FER1L5: variants seen among roughly 807,000 people sequenced by gnomAD.
The protein encoded by FER1L5 is fer-1 like family member 5, also known as fer-1-like protein 5.
Under a neutral mutation model 279.9 loss-of-function variants are expected in FER1L5, and 187 were observed. The observed-to-expected ratio is 0.67, with a 90% confidence interval of 0.59 to 0.75. The LOEUF (loss-of-function observed/expected upper bound fraction) is 0.75, where lower values mean the gene tolerates loss of function less well. FER1L5 is among the 30% of genes least tolerant of loss of function. FER1L5 has a pLI of 0.00. For missense variants in FER1L5, 2,091 were observed against 2,594.4 expected (o/e 0.81, Z 4.21); for synonymous variants, 921 against 989.7 (o/e 0.93, Z 1.30).
In FER1L5 at chr2:96,702,373, GAGA is replaced by G. The variant is rs2077616057; in HGVS notation, c.5231_5233del (p.Lys1744del). On this transcript the variant is annotated inframe_deletion, in exon 47 of 53. Transcript: ENST00000624922. This position sits in a 1 kb window ranked among gnomAD's most constrained non-coding sequence, Gnocchi z 4.0. ...CCTGGTGGATGACAATTTAAGTAGAGAGAAGACGAGCGACATCTACATCAAAGG... is the reference window on the plus strand; with the variant it reads ...CCTGGTGGATGACAATTTAAGTAGAGAGACGAGCGACATCTACATCAAAGG... 2 of 1,612,940 alleles carry G rather than the reference GAGA, an allele frequency of 1.2e-6. No homozygotes were observed. The highest frequency in any genetic ancestry group is 1.7e-6 in the Non-Finnish European group (2 of 1,179,546).
intron 10 of FER1L5, 101 bp from the exon 11 acceptor site, chr2:96,661,224 G>T: frequency 1.3e-6 from 1 of 745,568 alleles, no homozygotes; most frequent in South Asian, 2.1e-5. Flanking sequence ...GGATGCCTGA[G>T]ACCTATTTCC....
rs1398360116 is a variant in FER1L5, at chr2:96,687,947, G to A, written c.2361G>A (p.Met787Ile). 5 of 1,551,012 alleles carry A rather than the reference G, an allele frequency of 3.2e-6. No individual in the cohort carries two copies. Among genetic ancestry groups the A allele is most frequent in the South Asian group, 1.2e-5 (1 of 84,056 alleles). ...GTGACACAGCGGTGTACGCCGAGAT[G>A]GTGAGTGGTGAGCGGCAGCCCAAGG... is the stretch of plus-strand genomic sequence containing the variant. ...RQGDTAVYAE[M>I]YENQAKYKDQ... The change falls in exon 24 of 53, where the codon ATG becomes ATA. Residue 787 changes from methionine (M) to isoleucine (I), a missense_variant and splice_region_variant. Coordinates refer to ENST00000624922, the MANE Select transcript of FER1L5 (RefSeq NM_001293083.2).
chr2:96,694,294 G>T lies in FER1L5; in HGVS notation c.3637-66G>T. ...GCTCGGTGAGGCCTCTGAGGGACCT[G>T]CTTGAGGTGAGGGTGAGGGCAGCAG... is the stretch of plus-strand genomic sequence containing the variant. On this transcript the variant is annotated intron_variant, in intron 33 of 52. Coordinates refer to ENST00000624922, the MANE Select transcript of FER1L5 (RefSeq NM_001293083.2). This position sits in a 1 kb window ranked among gnomAD's most constrained non-coding sequence, Gnocchi z 4.6. 1 of 1,443,664 alleles carries T rather than the reference G, an allele frequency of 6.9e-7. No individual in the cohort carries two copies. Among genetic ancestry groups the T allele is most frequent in the Non-Finnish European group, 9.3e-7 (1 of 1,078,478 alleles). The allele number at this position is 1,443,664 out of a possible 1,614,324, so 89.4% of individuals were successfully genotyped here. A position where few individuals can be genotyped will look rare whatever the true frequency, so the allele number is the denominator to read the frequency against.
intron 44 of FER1L5, 108 bp downstream of exon 44, chr2:96,700,188 A>G: frequency 6.4e-7 from 1 of 1,554,500 alleles, no homozygotes; most frequent in South Asian, 1.2e-5. Context: ...GAGGACAAGG[A>G]AAGAGCTCCC....
intron 31 of FER1L5, among the ~76,000 whole-genome samples, chr2:96,692,481 G>C (rs1191868858): frequency 6.6e-6 from 1 of 152,228 alleles, no homozygotes; most frequent in African/African-American, 2.4e-5. Context: ...CTCTTGAGGC[G>C]TGACCCCAGT....
At chr2:96,678,030 T>G (rs1187159665) in intron 19 of FER1L5, among the ~76,000 whole-genome samples, 1 of 152,180 alleles carries the variant, frequency 6.6e-6, no homozygotes, top group African/African-American at 2.4e-5. Context: ...TCTGTCTTTA[T>G]TTAGTATAGT....
chr2:96,689,389 G>A lies in FER1L5; in HGVS notation c.2525+13G>A. The A allele has an allele frequency of 6.5e-7, 1 of 1,546,850 alleles. No homozygotes were observed. The highest frequency in any genetic ancestry group is 8.7e-7 in the Non-Finnish European group (1 of 1,145,846). ...AACCTCAGAGAAGGTAAGGCCAGAG[G>A]GGGCAGGCCCCACCAGAGGGGACAC... On this transcript the variant is annotated intron_variant, in intron 25 of 52. Coordinates refer to ENST00000624922, the MANE Select transcript of FER1L5 (RefSeq NM_001293083.2). This position sits in a 1 kb window ranked among gnomAD's most constrained non-coding sequence, Gnocchi z 4.6.
chr2:96,693,795 G>A (rs973448263), intron 32 of FER1L5, 108 bp downstream of exon 32: 14 of 1,477,898 alleles, frequency 9.5e-6, no homozygotes, highest in Admixed American at 6.8e-5. Context: ...GAGGCCTGAC[G>A]TGCAGACAGC....
chr2:96,651,272 TTTCTTTC>T (rs907125129), intron 6 of FER1L5, among the ~76,000 whole-genome samples: 2 of 150,828 alleles, frequency 1.3e-5, no homozygotes, highest in African/African-American at 4.9e-5. Flanking sequence ...TCTTTCTTTC[TTTCTTTC>T]TTTCTTTCTT....
At chr2:96,667,956 G>A in intron 14 of FER1L5, among the ~76,000 whole-genome samples, 1 of 151,998 alleles carries the variant, frequency 6.6e-6, no homozygotes, top group Non-Finnish European at 1.5e-5. Flanking sequence ...AACCTCACGG[G>A]CTCAAGCAAT....
chr2:96,642,987 A>G lies in FER1L5; in HGVS notation c.85+66A>G. ...CAGAGGCAACATGGATTCAGTGAAAAAAGAGGTGTATGGCACCCCACTACA... is the reference window on the plus strand; with the variant it reads ...CAGAGGCAACATGGATTCAGTGAAAGAAGAGGTGTATGGCACCCCACTACA... On this transcript the variant is annotated intron_variant, in intron 1 of 52. Coordinates refer to ENST00000624922, the MANE Select transcript of FER1L5 (RefSeq NM_001293083.2). 15 of 1,411,834 alleles carry G rather than the reference A, an allele frequency of 1.1e-5. No individual in the cohort carries two copies. The South Asian group carries it at 1.9e-4, about 17-fold the overall frequency. 87.5% of individuals were successfully genotyped at this position (1,411,834 alleles called of 1,614,324 possible).
In FER1L5 at chr2:96,704,869, A is replaced by G; in HGVS notation, c.*177A>G. 3.2e-6 allele frequency: 2 copies of G among 619,450 alleles called. No homozygotes were observed. The highest frequency in any genetic ancestry group is 5.6e-6 in the Non-Finnish European group (2 of 356,076). The allele number at this position is 619,450 out of a possible 1,614,324, so 38.4% of individuals were successfully genotyped here. A position where few individuals can be genotyped will look rare whatever the true frequency, so the allele number is the denominator to read the frequency against. ...GAGCTGTAATTTTCCACTGAAATAA[A>G]CAAGTTCTATAACAGAGAGCCATCT... On this transcript the variant is annotated 3_prime_UTR_variant, in exon 53 of 53. Transcript: ENST00000624922.
At chr2:96,688,301 G>A (rs1183310316) in intron 24 of FER1L5, among the ~76,000 whole-genome samples, 1 of 152,180 alleles carries the variant, frequency 6.6e-6, no homozygotes. Context: ...TTCATCAACA[G>A]CACGTGAAGT....
intron 19 of FER1L5, among the ~76,000 whole-genome samples, chr2:96,673,710 A>G (rs556306341): frequency 6.6e-6 from 1 of 152,300 alleles, no homozygotes; most frequent in African/African-American, 2.4e-5. Context: ...ATTGGGCACT[A>G]TAGAGCAGCG....
At chr2:96,693,400 C>A in intron 31 of FER1L5, 106 bp from the exon 32 acceptor site, 1 of 1,214,772 alleles carries the variant, frequency 8.2e-7, no homozygotes, top group Non-Finnish European at 1.1e-6. Flanking sequence ...GGCTGCCCTG[C>A]CTGACCCTCC....
chr2:96,702,599 G>A lies in FER1L5; in HGVS notation c.5256-1G>A. Reference sequence around the variant, plus strand: ...CACAGGTGATAGGACTCTGGCCCCAGGTGGTTATACGGGCTGGAGAAGGAC... The same window carrying A: ...CACAGGTGATAGGACTCTGGCCCCAAGTGGTTATACGGGCTGGAGAAGGAC... On this transcript the variant is annotated splice_acceptor_variant, in intron 47 of 52. Transcript: ENST00000624922. LOFTEE classifies it high-confidence loss of function. The surrounding 1 kb of genome is among the most constrained non-coding windows in gnomAD (Gnocchi z 4.0). 1 of 1,567,518 alleles carries A rather than the reference G, an allele frequency of 6.4e-7. No individual in the cohort carries two copies. Among genetic ancestry groups the A allele is most frequent in the East Asian group, 2.4e-5 (1 of 41,994 alleles).
intron 17 of FER1L5, 128 bp downstream of exon 17, chr2:96,669,265 G>A: frequency 1.1e-6 from 1 of 887,908 alleles, no homozygotes; most frequent in African/African-American, 1.7e-5. Flanking sequence ...TGGAGGACGT[G>A]AAGCCTGTCC....
Position 96,695,665 on chromosome 2 carries a change from A to C in FER1L5, c.3894+4A>C, listed in dbSNP as rs777893925. On this transcript the variant is annotated splice_donor_region_variant and intron_variant, in intron 35 of 52. Coordinates refer to ENST00000624922, the MANE Select transcript of FER1L5 (RefSeq NM_001293083.2). Reference sequence around the variant, plus strand: ...GTCTGTCCTAGTCCTCACAGTGGTAAGAGGCCCCAGGGCAGGGGCTGGGCA... The same window carrying C: ...GTCTGTCCTAGTCCTCACAGTGGTACGAGGCCCCAGGGCAGGGGCTGGGCA... 1.2e-6 allele frequency: 2 copies of C among 1,605,022 alleles called. No individual in the cohort carries two copies. The highest frequency in any genetic ancestry group is 1.1e-5 in the South Asian group (1 of 89,678).
rs905392443 is a variant in FER1L5, at chr2:96,690,375, TGG to T, written c.2641-110_2641-109del. On this transcript the variant is annotated intron_variant, in intron 26 of 52. Transcript: ENST00000624922. Reference sequence around the variant, plus strand: ...GTGGCAAGCACAGTCTGGCCTGGAGTGGGAGGCTGCTGCGGCCACAGCAGGCA... The same window carrying T: ...GTGGCAAGCACAGTCTGGCCTGGAGTGAGGCTGCTGCGGCCACAGCAGGCA... The T allele has an allele frequency of 3.4e-6, 3 of 890,358 alleles. No homozygotes were observed. The African/African-American group carries it at 5.0e-5, about 15-fold the overall frequency. The allele number at this position is 890,358 out of a possible 1,614,324, so 55.2% of individuals were successfully genotyped here.
Sources: gnomAD v4.1 joint callset for allele counts (sites outside exome capture counted in the v4.1 genomes callset) on GRCh38, gnomAD v4.1.1 for gene constraint, Gnocchi (gnomAD v3.1) non-coding constraint, MANE v1.5 for transcripts, NCBI Gene and HGNC (gene_info 2026-07-23, HGNC 2026-07-21) for gene names.